Variants in PTH2R observed in about 807,000 individuals in gnomAD.
PTH2R encodes the protein parathyroid hormone 2 receptor, also known as PTH2 receptor.
PTH2R carries 59 observed loss-of-function variants against 60.3 expected under a neutral mutation model. The observed-to-expected ratio is 0.98, with a 90% confidence interval of 0.79 to 1.22. PTH2R has a LOEUF of 1.22. PTH2R is among the 50% of genes most tolerant of loss of function. PTH2R has a pLI of 0.00. For synonymous variants in PTH2R, 256 were observed against 243.8 expected (o/e 1.05, Z -0.47); for missense variants, 749 against 682.6 (o/e 1.10, Z -1.08).
At chr2:208,473,302 C>A (rs1447847177) in intron 9 of PTH2R, among the ~76,000 whole-genome samples, 1 of 152,062 alleles carries the variant, frequency 6.6e-6, no homozygotes, top group South Asian at 2.1e-4. Flanking sequence ...TTTATAAAAG[C>A]TTCTACTGGT....
intron 1 of PTH2R, among the ~76,000 whole-genome samples, chr2:208,400,443 T>G (rs914643631): frequency 6.6e-6 from 1 of 152,216 alleles, no homozygotes; most frequent in Non-Finnish European, 1.5e-5. Flanking sequence ...TTCTTATATT[T>G]CCAGGGGTAG....
chr2:208,374,313 C>A (rs952428492), intron 1 of PTH2R, among the ~76,000 whole-genome samples: 5 of 152,008 alleles, frequency 3.3e-5, no homozygotes, highest in African/African-American at 1.2e-4. Context: ...TTCTGTTTTA[C>A]TTACTCTATT....
chr2:208,383,063 A>G (rs547819224), intron 1 of PTH2R, among the ~76,000 whole-genome samples: 17 of 152,384 alleles, frequency 1.1e-4, no homozygotes, highest in African/African-American at 4.1e-4. Context: ...AGATCTAGCC[A>G]TAGCCCAATC....
chr2:208,420,425 C>T (rs1701731798), intron 1 of PTH2R, among the ~76,000 whole-genome samples: 1 of 152,086 alleles, frequency 6.6e-6, no homozygotes, highest in African/African-American at 2.4e-5. Flanking sequence ...ATTTTTTCCA[C>T]ACATATTTGC....
intron 12 of PTH2R, 56 bp from the exon 13 acceptor site, chr2:208,493,208 A>G (rs1156643150): frequency 3.6e-6 from 5 of 1,399,606 alleles, no homozygotes; most frequent in Non-Finnish European, 4.7e-6. Flanking sequence ...CTTTGTAACA[A>G]GGCTGCAGGG....
chr2:208,465,466 G>A (rs1324274715), intron 9 of PTH2R, among the ~76,000 whole-genome samples: 9 of 114,942 alleles, frequency 7.8e-5, no homozygotes, highest in African/African-American at 2.8e-4. Flanking sequence ...GCAGTGGTGC[G>A]ATCTCAGCTC....
intron 1 of PTH2R, among the ~76,000 whole-genome samples, chr2:208,420,753 T>C (rs963852375): frequency 1.3e-5 from 2 of 152,236 alleles, no homozygotes; most frequent in African/African-American, 4.8e-5. Context: ...AATCAGGAAA[T>C]TGACATTGAT....
intron 1 of PTH2R, among the ~76,000 whole-genome samples, chr2:208,426,397 A>G (rs1057047563): frequency 1.3e-5 from 2 of 152,350 alleles, no homozygotes; most frequent in Admixed American, 6.5e-5. Context: ...GAAGTACACT[A>G]TCATTTTAAT....
chr2:208,373,154 A>G (rs1246180358), intron 1 of PTH2R, among the ~76,000 whole-genome samples: 1 of 152,146 alleles, frequency 6.6e-6, no homozygotes, highest in Non-Finnish European at 1.5e-5. Context: ...GGCTAAAACA[A>G]AAGAGAAGAA....
chr2:208,374,121 A>G (rs933417539), intron 1 of PTH2R, among the ~76,000 whole-genome samples: 1 of 150,890 alleles, frequency 6.6e-6, no homozygotes, highest in Non-Finnish European at 1.5e-5. Context: ...TTTTTTGACT[A>G]TCAAAATACT....
At chr2:208,480,844 T>A (rs564964523) in intron 9 of PTH2R, among the ~76,000 whole-genome samples, 11 of 152,330 alleles carry the variant, frequency 7.2e-5, no homozygotes, top group Non-Finnish European at 1.6e-4. Flanking sequence ...CAGCAGATCA[T>A]CCTCTGGTAT....
intron 1 of PTH2R, among the ~76,000 whole-genome samples, chr2:208,364,903 G>T (rs1700548031): frequency 6.6e-6 from 1 of 151,794 alleles, no homozygotes; most frequent in Non-Finnish European, 1.5e-5. Context: ...TCTAAGAATT[G>T]TTTTCTTTTT....
chr2:208,473,757 T>G (rs1702935898), intron 9 of PTH2R, among the ~76,000 whole-genome samples: 1 of 152,216 alleles, frequency 6.6e-6, no homozygotes, highest in African/African-American at 2.4e-5. Flanking sequence ...TTACTTATAG[T>G]GGATCATAAG....
intron 1 of PTH2R, among the ~76,000 whole-genome samples, chr2:208,381,466 A>C (rs1384708956): frequency 6.6e-6 from 1 of 152,114 alleles, no homozygotes; most frequent in Non-Finnish European, 1.5e-5. Flanking sequence ...TCTCGAACCC[A>C]GGCTGGAGTG....
Position 208,493,778 on chromosome 2 carries a change from T to C in PTH2R, c.*119T>C, listed in dbSNP as rs565583568. On this transcript the variant is annotated 3_prime_UTR_variant, in exon 13 of 13. Transcript: ENST00000272847. ...AAAATTCAGTTAAGGTGTTACTTAATAATAGTTTTTAGGCTCCATGAATTG... is the reference window on the plus strand; with the variant it reads ...AAAATTCAGTTAAGGTGTTACTTAACAATAGTTTTTAGGCTCCATGAATTG... The C allele has an allele frequency of 1.5e-4, 173 of 1,182,694 alleles. No homozygotes were observed. The highest frequency in any genetic ancestry group is 3.0e-4 in the Middle Eastern group (1 of 3,342). 73.3% of individuals were successfully genotyped at this position (1,182,694 alleles called of 1,614,324 possible). A position where few individuals can be genotyped will look rare whatever the true frequency, so the allele number is the denominator to read the frequency against.
chr2:208,487,497 A>G (rs1264943532), intron 10 of PTH2R, among the ~76,000 whole-genome samples: 1 of 152,246 alleles, frequency 6.6e-6, no homozygotes, highest in Non-Finnish European at 1.5e-5. Flanking sequence ...AATTTCTTGG[A>G]TAAAAAGTAT....
chr2:208,445,467 C>A (rs1369392592), intron 7 of PTH2R, among the ~76,000 whole-genome samples: 3 of 152,072 alleles, frequency 2.0e-5, no homozygotes, highest in Non-Finnish European at 4.4e-5. Context: ...TTTAGCAGTA[C>A]AAGGGGGATT....
intron 8 of PTH2R, among the ~76,000 whole-genome samples, chr2:208,454,767 A>T (rs1335624794): frequency 6.6e-6 from 1 of 152,206 alleles, no homozygotes; most frequent in Non-Finnish European, 1.5e-5. Context: ...ATATCCACAG[A>T]TTGTGTACGC....
upstream of PTH2R, chr2:208,406,714 C>T: frequency 4.4e-6 from 1 of 229,540 alleles, no homozygotes; most frequent in Non-Finnish European, 8.4e-6. Flanking sequence ...CGCAGCCGCG[C>T]GGGGCGCACC....
Sources: allele counts gnomAD v4.1 joint callset (sites outside exome capture counted in the v4.1 genomes callset), GRCh38; gene constraint gnomAD v4.1.1; transcripts MANE v1.5; gene names NCBI Gene and HGNC (gene_info 2026-07-23, HGNC 2026-07-21).